Variants in TLN2 observed in about 807,000 individuals in gnomAD.
The protein encoded by TLN2 is talin 2.
A neutral mutation model predicts 294.7 loss-of-function variants in TLN2; 118 were observed. That is an observed-to-expected ratio of 0.40 (90% CI 0.34 to 0.47). The LOEUF is 0.47. Among genes scored for constraint, TLN2 ranks in the 20% least tolerant of loss-of-function variants. The pLI is 0.84. For missense variants in TLN2, 3,083 were observed against 3,282.2 expected, an observed-to-expected ratio of 0.94 and a Z score of 1.48; for synonymous variants, 1,431 against 1,304.5, an observed-to-expected ratio of 1.10 and a Z score of -2.09.
intron 1 of TLN2, among the ~76,000 whole-genome samples, chr15:62,424,525 A>G (rs1365828229): frequency 6.6e-6 from 1 of 152,184 alleles, no homozygotes; most frequent in African/African-American, 2.4e-5. Context: ...CTGGGACTAG[A>G]CCAAGCGTCT....
chr15:62,807,229 A>G (rs959138737), intron 51 of TLN2, among the ~76,000 whole-genome samples: 28 of 150,910 alleles, frequency 1.9e-4, no homozygotes, highest in African/African-American at 7.0e-4. Flanking sequence ...TACATCCTCA[A>G]TCAGAGAGTA....
chr15:62,498,153 C>CAAAA (rs538951284), intron 1 of TLN2, among the ~76,000 whole-genome samples: 12 of 93,396 alleles, frequency 1.3e-4, no homozygotes, highest in South Asian at 5.5e-4. Context: ...GACCCTGCCT[C>CAAAA]AAAAAAAAAA....
At chr15:62,477,831 A>G (rs1311939557) in intron 1 of TLN2, among the ~76,000 whole-genome samples, 1 of 141,714 alleles carries the variant, frequency 7.1e-6, no homozygotes, top group Non-Finnish European at 1.5e-5. Flanking sequence ...GTCAAAGGAG[A>G]GCCTGGGGTC....
At chr15:62,766,996 G>A (rs148750711) in intron 41 of TLN2, among the ~76,000 whole-genome samples, 70 of 152,272 alleles carry the variant, frequency 4.6e-4, no homozygotes, top group Non-Finnish European at 8.2e-4. Context: ...GGTTCATTTT[G>A]CAAATTCTTC....
chr15:62,503,168 T>C (rs1281248203), intron 1 of TLN2, among the ~76,000 whole-genome samples: 1 of 152,210 alleles, frequency 6.6e-6, no homozygotes, highest in African/African-American at 2.4e-5. Flanking sequence ...TATTATTCTT[T>C]ATTATAAAAG....
chr15:62,773,383 A>G (rs1567574955), intron 42 of TLN2, among the ~76,000 whole-genome samples: 3 of 152,040 alleles, frequency 2.0e-5, no homozygotes, highest in African/African-American at 7.2e-5. Flanking sequence ...TCAGTAAAGC[A>G]TTAGATGATG....
chr15:62,467,587 G>C (rs938672337), intron 1 of TLN2, among the ~76,000 whole-genome samples: 9 of 152,146 alleles, frequency 5.9e-5, no homozygotes, highest in African/African-American at 2.2e-4. Flanking sequence ...AGCTACTCGA[G>C]AGACTGAGGC....
intron 1 of TLN2, among the ~76,000 whole-genome samples, chr15:62,500,807 T>G (rs2039266039): frequency 6.6e-6 from 1 of 152,242 alleles, no homozygotes; most frequent in African/African-American, 2.4e-5. Context: ...TCCTGCTATT[T>G]AATATGCATA....
intron 1 of TLN2, among the ~76,000 whole-genome samples, chr15:62,585,219 G>C (rs1421248813): frequency 6.6e-6 from 1 of 152,174 alleles, no homozygotes; most frequent in Admixed American, 6.5e-5. Context: ...AGGAAAACCA[G>C]TCTATAAAAC....
chr15:62,399,356 G>C (rs2032842175), intron 1 of TLN2, among the ~76,000 whole-genome samples: 1 of 151,428 alleles, frequency 6.6e-6, no homozygotes. Context: ...ACCTCTGCTA[G>C]GGCAGTGCAG....
intron 1 of TLN2, among the ~76,000 whole-genome samples, chr15:62,535,467 T>TGTAC (rs1555424911): frequency 1.3e-5 from 2 of 148,904 alleles, no homozygotes; most frequent in Admixed American, 6.7e-5. Flanking sequence ...TGTCTGTGTG[T>TGTAC]ACACACACAC....
intron 1 of TLN2, among the ~76,000 whole-genome samples, chr15:62,391,044 G>T (rs1190173969): frequency 1.3e-5 from 2 of 152,194 alleles, no homozygotes; most frequent in African/African-American, 2.4e-5. Flanking sequence ...GCTCTCGCTG[G>T]GTTTCCGGTA....
intron 1 of TLN2, among the ~76,000 whole-genome samples, chr15:62,495,936 G>C (rs2038989814): frequency 6.7e-6 from 1 of 148,420 alleles, no homozygotes; most frequent in South Asian, 2.1e-4. Flanking sequence ...TTATCTGTAA[G>C]TTCTAGGCCA....
chr15:62,412,937 G>T (rs1166897778), intron 1 of TLN2, among the ~76,000 whole-genome samples: 1 of 152,160 alleles, frequency 6.6e-6, no homozygotes, highest in Non-Finnish European at 1.5e-5. Flanking sequence ...ACTCTCCTGG[G>T]GGCTCTTTCT....
At chr15:62,485,379 C>T (rs1326826932) in intron 1 of TLN2, among the ~76,000 whole-genome samples, 2 of 152,184 alleles carry the variant, frequency 1.3e-5, no homozygotes, top group Admixed American at 6.5e-5. Flanking sequence ...AGGGCTTCAG[C>T]CCTTTCCTTT....
intron 1 of TLN2, among the ~76,000 whole-genome samples, chr15:62,541,182 G>GAACA (rs1223666303): frequency 2.0e-5 from 3 of 152,124 alleles, no homozygotes; most frequent in African/African-American, 7.2e-5. Flanking sequence ...AGGTTTCACT[G>GAACA]AACTATTCTC....
chr15:62,694,400 T>G lies in TLN2; in HGVS notation c.1292+8T>G, dbSNP rs2058172069. 3.1e-6 allele frequency: 5 copies of G among 1,613,084 alleles called. No homozygotes were observed. The highest frequency in any genetic ancestry group is 4.2e-6 in the Non-Finnish European group (5 of 1,179,094). Reference sequence around the variant, plus strand: ...GTCCGTTTCCCCAAAAAAGTAAGTATTATGAAGAGTACTAGAGGACCACCT... The same window carrying G: ...GTCCGTTTCCCCAAAAAAGTAAGTAGTATGAAGAGTACTAGAGGACCACCT... On this transcript the variant is annotated splice_region_variant and intron_variant, in intron 14 of 58. Transcript: ENST00000636159.
At chr15:62,744,255 A>G (rs907238439) in intron 32 of TLN2, among the ~76,000 whole-genome samples, 2 of 152,022 alleles carry the variant, frequency 1.3e-5, no homozygotes, top group African/African-American at 4.8e-5. Context: ...TCAGCGATCC[A>G]TCATGCCCTG....
At chr15:62,688,586 T>C (rs2057496381) in intron 12 of TLN2, among the ~76,000 whole-genome samples, 1 of 152,196 alleles carries the variant, frequency 6.6e-6, no homozygotes, top group Non-Finnish European at 1.5e-5. Context: ...CCTGGCAGTT[T>C]TCTCAGTTGC....
Sources: allele counts gnomAD v4.1 joint callset (sites outside exome capture counted in the v4.1 genomes callset), GRCh38; gene constraint gnomAD v4.1.1; transcripts MANE v1.5; gene names NCBI Gene and HGNC (gene_info 2026-07-23, HGNC 2026-07-21).